The following KMT2C variants were observed in gnomAD, a reference collection of about 807,000 sequenced individuals.
KMT2C encodes histone-lysine N-methyltransferase 2C.
In KMT2C, 88 loss-of-function variants were observed where a neutral mutation model predicts 507.9. That is an observed-to-expected ratio of 0.17 (90% CI 0.15 to 0.21). The LOEUF (loss-of-function observed/expected upper bound fraction) is 0.21. Ranked by LOEUF, KMT2C falls within the 10% of genes least tolerant of loss-of-function variation. KMT2C has a pLI of 1.00. For missense variants in KMT2C, 4,954 were observed against 5,957.8 expected (o/e 0.83, Z 5.55); for synonymous variants, 2,049 against 2,080.8 (o/e 0.98, Z 0.42).
chr7:152,269,380 C>A (rs372078507), intron 7 of KMT2C, among the ~76,000 whole-genome samples: 2 of 152,184 alleles, frequency 1.3e-5, no homozygotes, highest in African/African-American at 4.8e-5. Flanking sequence ...TTCCAACCCT[C>A]CCAGTCAGGG....
intron 1 of KMT2C, among the ~76,000 whole-genome samples, chr7:152,384,553 ACCACCACCAC>A (rs2116494474): frequency 1.4e-5 from 1 of 70,838 alleles, no homozygotes; most frequent in Non-Finnish European, 3.7e-5. Flanking sequence ...GCATAACACC[ACCACCACCAC>A]CACCACCACC....
chr7:152,353,318 G>A (rs553482345), intron 2 of KMT2C, among the ~76,000 whole-genome samples: 12 of 152,256 alleles, frequency 7.9e-5, no homozygotes, highest in East Asian at 5.8e-4. Flanking sequence ...CCAGCTACTC[G>A]GGAGGCTGAG....
chr7:152,222,773 C>G, intron 20 of KMT2C, 91 bp from the exon 21 acceptor site: 2 of 725,374 alleles, frequency 2.8e-6, no homozygotes, highest in Non-Finnish European at 4.8e-6. Flanking sequence ...AGTCTTCAAA[C>G]TTAAAAGCCC....
At chr7:152,416,867 A>G (rs1383997320) in intron 1 of KMT2C, among the ~76,000 whole-genome samples, 2 of 151,308 alleles carry the variant, frequency 1.3e-5, no homozygotes, top group African/African-American at 2.4e-5. Flanking sequence ...CCTGGCCAAC[A>G]TGGTAAACCT....
intron 6 of KMT2C, among the ~76,000 whole-genome samples, chr7:152,282,044 C>A (rs1247432596): frequency 2.0e-5 from 3 of 152,208 alleles, no homozygotes; most frequent in Admixed American, 6.5e-5. Context: ...GTAATCCCAG[C>A]ACTTTGGGAG....
Position 152,255,109 on chromosome 7 carries a change from T to TATATATATATATATA in KMT2C, c.1300-2395_1300-2394insTATATATATATATAT, listed in dbSNP as rs1588626891. ...AATCAAGATGTCAATCAACTCTCACTTATATATATATATATATATATATAT... is the reference window on the plus strand; with the variant it reads ...AATCAAGATGTCAATCAACTCTCACTATATATATATATATATATATATATATATATATATATATAT... On this transcript the variant is annotated intron_variant, in intron 9 of 58. Transcript: ENST00000262189. Among the ~76,000 whole-genome samples the TATATATATATATATA allele has an allele frequency of 2.4e-3, 190 of 78,336 alleles. 4 individuals carry two copies. The highest frequency in any genetic ancestry group is 3.6e-3 in the Non-Finnish European group (134 of 37,258). The allele number at this position is 78,336 out of a possible 152,430, so 51.4% of individuals were successfully genotyped here.
At chr7:152,201,301 C>G (rs1275331384) in intron 26 of KMT2C, among the ~76,000 whole-genome samples, 5 of 145,250 alleles carry the variant, frequency 3.4e-5, no homozygotes, top group South Asian at 4.2e-4. Context: ...CAGACACACA[C>G]ACACACACAC....
intron 14 of KMT2C, among the ~76,000 whole-genome samples, chr7:152,245,353 C>G (rs1182800919): frequency 6.6e-6 from 1 of 152,164 alleles, no homozygotes; most frequent in Non-Finnish European, 1.5e-5. Flanking sequence ...TATGTGACCA[C>G]TGAGCACTTC....
At chr7:152,184,686 G>A (rs1255036231) in intron 34 of KMT2C, among the ~76,000 whole-genome samples, 1 of 152,202 alleles carries the variant, frequency 6.6e-6, no homozygotes, top group African/African-American at 2.4e-5. Context: ...ATTCCCTGCA[G>A]ATACCAAAAT....
chr7:152,222,901 A>C (rs1299174960), intron 20 of KMT2C, among the ~76,000 whole-genome samples: 1 of 152,238 alleles, frequency 6.6e-6, no homozygotes, highest in African/African-American at 2.4e-5. Flanking sequence ...TTAGAGAGGA[A>C]GCAAAGCACA....
intron 1 of KMT2C, among the ~76,000 whole-genome samples, chr7:152,359,249 A>G (rs2097176076): frequency 6.6e-6 from 1 of 151,874 alleles, no homozygotes; most frequent in South Asian, 2.1e-4. Context: ...AATAAAGGTA[A>G]GAGTCACAGC....
At chr7:152,311,967 C>A (rs2096675662) in intron 4 of KMT2C, 21 bp from the exon 5 acceptor site, 1 of 1,525,908 alleles carries the variant, frequency 6.6e-7, no homozygotes, top group Non-Finnish European at 8.9e-7. Flanking sequence ...AATAAAATAA[C>A]TGTGAAAGTG....
At position 152,180,984 on chromosome 7, in the gene KMT2C, T is replaced by C. The variant is rs374906967; in HGVS notation, c.6876A>G (p.Pro2292=). 11 of 1,613,936 alleles carry C rather than the reference T, an allele frequency of 6.8e-6. No individual in the cohort carries two copies. The highest frequency in any genetic ancestry group is 1.3e-5 in the African/African-American group (1 of 74,874). The change falls in exon 36 of 59, where the codon CCA becomes CCG. Residue 2292 remains proline (P), a synonymous_variant. Transcript: ENST00000262189. ...GATCATAGGGATCACGGGCAGCAGATGGGGAAACACGGCTAAATGTGTCTG... is the reference window on the plus strand; with the variant it reads ...GATCATAGGGATCACGGGCAGCAGACGGGGAAACACGGCTAAATGTGTCTG... The part of the protein sequence containing the change: ...GLSDTFSRVS[P]SAARDPYDQS...
At chr7:152,294,715 G>A (rs533422225) in intron 6 of KMT2C, among the ~76,000 whole-genome samples, 1 of 152,206 alleles carries the variant, frequency 6.6e-6, no homozygotes, top group African/African-American at 2.4e-5. Flanking sequence ...CTTTTATTTA[G>A]AAAATCTTAT....
rs536424369 is a variant in KMT2C at position 152,176,300 on chromosome 7, C to T, written c.9153G>A (p.Gln3051=). The T allele has an allele frequency of 4.4e-5, 71 of 1,614,132 alleles. No homozygotes were observed. The African/African-American group carries it at 6.9e-4, about 16-fold the overall frequency. The change falls in exon 38 of 59, where the codon CAG becomes CAA. Residue 3051 remains glutamine (Q), a synonymous_variant. Transcript: ENST00000262189. ...NRERPLLLEE[Q]PLLLQDLLDQ... Reference sequence around the variant, plus strand: ...CCAAAAGATCCTGTAGAAGTAGAGGCTGTTCTTCTAGAAGAAGGGGCCTCT... The same window carrying T: ...CCAAAAGATCCTGTAGAAGTAGAGGTTGTTCTTCTAGAAGAAGGGGCCTCT...
chr7:152,427,889 T>C (rs1356235103), intron 1 of KMT2C, among the ~76,000 whole-genome samples: 1 of 152,194 alleles, frequency 6.6e-6, no homozygotes, highest in African/African-American at 2.4e-5. Flanking sequence ...GAATTCCTCC[T>C]TTGCAGTGAC....
chr7:152,226,777 ACT>A (rs2094947087), intron 18 of KMT2C, among the ~76,000 whole-genome samples: 1 of 152,020 alleles, frequency 6.6e-6, no homozygotes, highest in Non-Finnish European at 1.5e-5. Context: ...CTTTATAAAA[ACT>A]CTGCCAGTGT....
intron 39 of KMT2C, among the ~76,000 whole-genome samples, chr7:152,173,553 C>A (rs144986576): frequency 2.6e-5 from 4 of 152,240 alleles, no homozygotes; most frequent in Middle Eastern, 3.4e-3. Context: ...GGTTAACAAC[C>A]CTTAGAGGGC....
intron 53 of KMT2C, among the ~76,000 whole-genome samples, chr7:152,146,298 G>C (rs897300348): frequency 6.6e-6 from 1 of 152,164 alleles, no homozygotes; most frequent in Non-Finnish European, 1.5e-5. Flanking sequence ...CAAGGGAAGA[G>C]GAGAGTGTCC....
Sources: allele counts gnomAD v4.1 joint callset (sites outside exome capture counted in the v4.1 genomes callset), GRCh38; gene constraint gnomAD v4.1.1; transcripts MANE v1.5; gene names NCBI Gene and HGNC (gene_info 2026-07-23, HGNC 2026-07-21).